Variants in RAPGEF1 observed in about 807,000 individuals in gnomAD.
The protein encoded by RAPGEF1 is Rap guanine nucleotide exchange factor 1, also known as CRK SH3-binding GNRP.
Under a neutral mutation model 143.3 loss-of-function variants are expected in RAPGEF1, and 33 were observed. The observed-to-expected ratio is 0.23, with a 90% CI of 0.17 to 0.31. The LOEUF (loss-of-function observed/expected upper bound fraction) is 0.31. RAPGEF1 is among the 10% of genes least tolerant of loss of function. RAPGEF1 has a pLI of 1.00. For synonymous variants in RAPGEF1, 629 were observed against 676.5 expected, an observed-to-expected ratio of 0.93 and a Z score of 1.09; for missense variants, 1,199 against 1,645.4, an observed-to-expected ratio of 0.73 and a Z score of 4.69.
chr9:131,710,612 G>C (rs1835436915), intron 1 of RAPGEF1, among the ~76,000 whole-genome samples: 1 of 152,222 alleles, frequency 6.6e-6, no homozygotes, highest in South Asian at 2.1e-4. Flanking sequence ...CTCTGAGCCG[G>C]GCGAGGTGGC....
At chr9:131,634,713 CAAA>C (rs35405559) in intron 5 of RAPGEF1, among the ~76,000 whole-genome samples, 1 of 61,222 alleles carries the variant, frequency 1.6e-5, no homozygotes, top group Non-Finnish European at 2.7e-5. Context: ...GACTCCGTCT[CAAA>C]AAAAAAAAAA....
chr9:131,680,206 T>C (rs1304695473), intron 1 of RAPGEF1, among the ~76,000 whole-genome samples: 4 of 152,246 alleles, frequency 2.6e-5, no homozygotes, highest in Admixed American at 2.0e-4. Context: ...GGGTTCAATA[T>C]GCTTAACTGT....
intron 25 of RAPGEF1, among the ~76,000 whole-genome samples, chr9:131,582,304 A>C (rs1951984701): frequency 6.7e-6 from 1 of 150,030 alleles, no homozygotes; most frequent in African/African-American, 2.5e-5. Flanking sequence ...GCTCACGGGC[A>C]GGCTACAGAA....
rs1832248811 is a variant in RAPGEF1, at chr9:131,675,857, A to G, written c.62-24908T>C. On this transcript the variant is annotated intron_variant, in intron 1 of 26. Coordinates refer to ENST00000683357, the MANE Select transcript of RAPGEF1 (RefSeq NM_001377935.1). The surrounding 1 kb of genome is among the most constrained non-coding windows in gnomAD (Gnocchi z 4.6). ...AGAAAAGAACTAGGTGCAAAGTCAC[A>G]GCATGATTGGGAAACAGCCTGAACT... Among the ~76,000 whole-genome samples the G allele has an allele frequency of 6.6e-6, 1 of 152,232 alleles. No individual in the cohort carries two copies. The highest frequency in any genetic ancestry group is 1.5e-5 in the Non-Finnish European group (1 of 68,042).
intron 1 of RAPGEF1, among the ~76,000 whole-genome samples, chr9:131,660,175 T>C (rs989041707): frequency 2.0e-5 from 3 of 152,208 alleles, no homozygotes; most frequent in African/African-American, 7.2e-5. Context: ...TTACTTAATA[T>C]ACAACTATTC....
chr9:131,633,688 G>A (rs921616721), intron 5 of RAPGEF1, among the ~76,000 whole-genome samples: 1 of 152,132 alleles, frequency 6.6e-6, no homozygotes, highest in African/African-American at 2.4e-5. Flanking sequence ...ACACTAGCTC[G>A]CGTGGCCTAG....
intron 3 of RAPGEF1, among the ~76,000 whole-genome samples, chr9:131,645,944 G>A (rs1296191023): frequency 6.6e-6 from 1 of 152,150 alleles, no homozygotes; most frequent in Non-Finnish European, 1.5e-5. Context: ...GACTGTGGGG[G>A]ACTGAATGAG....
intron 3 of RAPGEF1, among the ~76,000 whole-genome samples, chr9:131,645,205 G>A (rs1472613699): frequency 1.3e-5 from 2 of 152,300 alleles, no homozygotes; most frequent in East Asian, 1.9e-4. Context: ...TGAAGGAGTC[G>A]CAGTGCCGAC....
chr9:131,736,083 A>T (rs1837395663), intron 1 of RAPGEF1, among the ~76,000 whole-genome samples: 1 of 152,186 alleles, frequency 6.6e-6, no homozygotes, highest in Non-Finnish European at 1.5e-5. Context: ...TTGCACAACC[A>T]GAACCATGTT....
chr9:131,733,874 T>C (rs570904027), intron 1 of RAPGEF1, among the ~76,000 whole-genome samples: 1 of 152,280 alleles, frequency 6.6e-6, no homozygotes, highest in African/African-American at 2.4e-5. Flanking sequence ...ACAGACCTCC[T>C]ATAAGGTCTC....
Position 131,655,778 on chromosome 9 carries a change from G to A in RAPGEF1, c.62-4829C>T, listed in dbSNP as rs1025421553. On this transcript the variant is annotated intron_variant, in intron 1 of 26. Transcript: ENST00000683357. This position sits in a 1 kb window ranked among gnomAD's most constrained non-coding sequence, Gnocchi z 4.1. ...ATTTTTTTGTATTTTTAGTAGAGACGGGGTGTCACCGTGTTAGCCAGGATG... is the reference window on the plus strand; with the variant it reads ...ATTTTTTTGTATTTTTAGTAGAGACAGGGTGTCACCGTGTTAGCCAGGATG... Among the ~76,000 whole-genome samples, 5 of 152,050 alleles carry A rather than the reference G, an allele frequency of 3.3e-5. No homozygotes were observed. The highest frequency in any genetic ancestry group is 4.8e-5 in the African/African-American group (2 of 41,408).
intron 1 of RAPGEF1, among the ~76,000 whole-genome samples, chr9:131,699,187 A>G (rs1480925383): frequency 6.6e-6 from 1 of 151,246 alleles, no homozygotes; most frequent in Non-Finnish European, 1.5e-5. Context: ...CCCTGTGGCC[A>G]ATTCTCCTCT....
intron 18 of RAPGEF1, 94 bp from the exon 19 acceptor site, chr9:131,590,072 T>C (rs903528721): frequency 1.8e-6 from 2 of 1,089,256 alleles, no homozygotes; most frequent in South Asian, 2.5e-5. Flanking sequence ...GCGCTCACAA[T>C]GTGCCCATCT....
rs543375710 is a variant in RAPGEF1, at chr9:131,655,425, C to T, written c.62-4476G>A. Among the ~76,000 whole-genome samples, 45 of 152,248 alleles carry T rather than the reference C, an allele frequency of 3.0e-4. No homozygotes were observed. The highest frequency in any genetic ancestry group is 5.4e-4 in the Non-Finnish European group (37 of 68,044). On this transcript the variant is annotated intron_variant, in intron 1 of 26. Coordinates refer to ENST00000683357, the MANE Select transcript of RAPGEF1 (RefSeq NM_001377935.1). The surrounding 1 kb of genome is among the most constrained non-coding windows in gnomAD (Gnocchi z 4.1). ...ACACCAGCCCTCATATGTCAGCAGTCATCCCTCGCATTCAAATGAACTGGG... is the reference window on the plus strand; with the variant it reads ...ACACCAGCCCTCATATGTCAGCAGTTATCCCTCGCATTCAAATGAACTGGG...
chr9:131,633,546 G>A (rs1443339332), intron 5 of RAPGEF1, among the ~76,000 whole-genome samples: 2 of 152,122 alleles, frequency 1.3e-5, no homozygotes, highest in African/African-American at 4.8e-5. Flanking sequence ...TAATTAGATC[G>A]TCATCTTTCT....
chr9:131,664,481 T>C (rs1357107783), intron 1 of RAPGEF1, among the ~76,000 whole-genome samples: 6 of 152,342 alleles, frequency 3.9e-5, no homozygotes, highest in African/African-American at 1.4e-4. Context: ...AAGTTAATAC[T>C]GTTATTTCTT....
At position 131,702,762 on chromosome 9, in the gene RAPGEF1, C is replaced by T. The variant is rs575468393; in HGVS notation, c.61+37008G>A. On this transcript the variant is annotated intron_variant, in intron 1 of 26. Coordinates refer to ENST00000683357, the MANE Select transcript of RAPGEF1 (RefSeq NM_001377935.1). ...ACTATATTAATGAAGCTACTTACTG[C>T]TGCCTGACCTGTAAAAAGTGGAAAT... 9.9e-5 allele frequency among the ~76,000 whole-genome samples: 15 copies of T among 152,262 alleles called. No individual in the cohort carries two copies. In the East Asian group the frequency reaches 2.9e-3, roughly 29 times the overall value.
intron 7 of RAPGEF1, 39 bp downstream of exon 7, chr9:131,629,063 C>G (rs1486540928): frequency 1.7e-5 from 27 of 1,589,016 alleles, no homozygotes; most frequent in Non-Finnish European, 2.2e-5. Flanking sequence ...CTTTCTCATT[C>G]TGCCATGGGA....
rs1589052215 is a variant in RAPGEF1, at chr9:131,702,404, C to T, written c.61+37366G>A. The stretch of plus-strand genomic sequence containing the variant: ...ATTGAGTCAAGCCCAAAGCAAATGA[C>T]TGTGGGAAATTAAATTTTATAACAA... On this transcript the variant is annotated intron_variant, in intron 1 of 26. Transcript: ENST00000683357. 2.0e-5 allele frequency among the ~76,000 whole-genome samples: 3 copies of T among 152,316 alleles called. No homozygotes were observed. In the South Asian group the frequency reaches 6.2e-4, roughly 32 times the overall value.
Sources: gnomAD v4.1 joint callset for allele counts (sites outside exome capture counted in the v4.1 genomes callset) on GRCh38, gnomAD v4.1.1 for gene constraint, Gnocchi (gnomAD v3.1) non-coding constraint, MANE v1.5 for transcripts, NCBI Gene and HGNC (gene_info 2026-07-23, HGNC 2026-07-21) for gene names.